CADM3: variants seen among roughly 807,000 people sequenced by gnomAD.
CADM3 encodes the protein TSLC1-like 1.
In CADM3, 11 loss-of-function variants were observed where a neutral mutation model predicts 44.9. The observed-to-expected ratio is 0.25, with a 90% confidence interval of 0.15 to 0.41. CADM3 has a LOEUF of 0.41. CADM3 is among the 10% of genes least tolerant of loss of function. The pLI is 1.00. For synonymous variants in CADM3, 207 were observed against 205.2 expected (o/e 1.01, Z -0.08); for missense variants, 426 against 512.0 (o/e 0.83, Z 1.62).
intron 1 of CADM3, among the ~76,000 whole-genome samples, chr1:159,182,088 GCA>G (rs3830820): frequency 6.8e-6 from 1 of 146,060 alleles, no homozygotes; most frequent in Non-Finnish European, 1.5e-5. Flanking sequence ...ACACACACAC[GCA>G]CACACACATG....
intron 1 of CADM3, among the ~76,000 whole-genome samples, chr1:159,173,980 T>A (rs1448013736): frequency 1.3e-5 from 2 of 152,224 alleles, no homozygotes; most frequent in Non-Finnish European, 2.9e-5. Flanking sequence ...TACATCCTCA[T>A]ATTTAGAAAT....
intron 1 of CADM3, among the ~76,000 whole-genome samples, chr1:159,177,629 C>T (rs1649075417): frequency 6.6e-6 from 1 of 152,100 alleles, no homozygotes; most frequent in South Asian, 2.1e-4. Flanking sequence ...TTATGCTCCC[C>T]GACCTGTTCC....
chr1:159,188,400 A>C (rs1649503952), intron 1 of CADM3, among the ~76,000 whole-genome samples: 1 of 148,856 alleles, frequency 6.7e-6, no homozygotes, highest in African/African-American at 2.5e-5. Flanking sequence ...TTTCTTCCTC[A>C]GGGACCCTAA....
chr1:159,189,600 A>G (rs959410787), intron 1 of CADM3, among the ~76,000 whole-genome samples: 2 of 152,154 alleles, frequency 1.3e-5, no homozygotes, highest in African/African-American at 4.8e-5. Flanking sequence ...CTTTTTCAGA[A>G]CTCTAGTTAA....
chr1:159,198,477 C>A (rs761721627), intron 7 of CADM3, among the ~76,000 whole-genome samples: 30 of 152,240 alleles, frequency 2.0e-4, no homozygotes, highest in Non-Finnish European at 4.1e-4. Flanking sequence ...ATTTCCTGGA[C>A]TCATCCTCTC....
At chr1:159,188,724 C>G (rs1649526300) in intron 1 of CADM3, among the ~76,000 whole-genome samples, 1 of 152,142 alleles carries the variant, frequency 6.6e-6, no homozygotes, top group Non-Finnish European at 1.5e-5. Context: ...TCAGGTTGGG[C>G]TAGGGACTTA....
intron 1 of CADM3, among the ~76,000 whole-genome samples, chr1:159,173,673 A>C (rs1435842127): frequency 1.3e-5 from 2 of 152,108 alleles, no homozygotes; most frequent in African/African-American, 2.4e-5. Context: ...TTGACTTTCA[A>C]CTGCAGCCCC....
chr1:159,197,056 T>C lies in CADM3; in HGVS notation c.948T>C (p.Val316=), dbSNP rs1161666551. ...GSYKAYYTLN[V]NDPSPVPSSS... ...ACAAGGCCTACTACACCCTCAATGT[T>C]AATGGTAAGCCCTCCTCAGTTCTCT... The change falls in exon 7 of 9, where the codon GTT becomes GTC. Residue 316 remains valine (V), a synonymous_variant. Coordinates refer to ENST00000368125, the MANE Select transcript of CADM3 (RefSeq NM_001127173.3). 2.5e-6 allele frequency: 4 copies of C among 1,613,996 alleles called. No homozygotes were observed. Among genetic ancestry groups the C allele is most frequent in the Non-Finnish European group, 2.5e-6 (3 of 1,179,904 alleles).
intron 1 of CADM3, among the ~76,000 whole-genome samples, chr1:159,184,190 G>C (rs895422436): frequency 1.2e-4 from 19 of 152,216 alleles, no homozygotes; most frequent in African/African-American, 4.6e-4. Context: ...ACTGTACATA[G>C]AATTCACTAA....
intron 1 of CADM3, among the ~76,000 whole-genome samples, chr1:159,187,274 A>G (rs1649455003): frequency 6.6e-6 from 1 of 152,234 alleles, no homozygotes; most frequent in Non-Finnish European, 1.5e-5. Flanking sequence ...GCTAAGTGCT[A>G]ACGACACAAC....
chr1:159,177,034 G>C (rs1260310128), intron 1 of CADM3, among the ~76,000 whole-genome samples: 1 of 152,072 alleles, frequency 6.6e-6, no homozygotes, highest in African/African-American at 2.4e-5. Context: ...TACCCTACCT[G>C]ACGAAAATAC....
chr1:159,200,289 C>A (rs187742392), intron 8 of CADM3, among the ~76,000 whole-genome samples: 1 of 152,286 alleles, frequency 6.6e-6, no homozygotes, highest in Admixed American at 6.5e-5. Flanking sequence ...TTCCTCTCCC[C>A]CTTTTCTACC....
Position 159,192,018 on chromosome 1 carries a change from C to T in CADM3, c.171C>T (p.Asp57=). 1 of 1,614,138 alleles carries T rather than the reference C, an allele frequency of 6.2e-7. No homozygotes were observed. The highest frequency in any genetic ancestry group is 1.1e-5 in the South Asian group (1 of 91,076). Residue 57 remains aspartate, a synonymous_variant, in exon 2 of 9, where the codon GAC becomes GAT. Transcript: ENST00000368125. ...VLKCQVKDHE[D]SSLQWSNPAQ... ...AGTGCCAAGTGAAAGATCACGAGGA[C>T]TCATCCCTGCAATGGTCTAACCCTG...
intron 1 of CADM3, among the ~76,000 whole-genome samples, chr1:159,181,784 A>G (rs1433554718): frequency 6.6e-6 from 1 of 152,104 alleles, no homozygotes; most frequent in East Asian, 1.9e-4. Context: ...CTGACTCAAT[A>G]GCAAATCAAA....
At chr1:159,197,766 T>C (rs1024275532) in intron 7 of CADM3, 2 of 152,110 alleles carry the variant, frequency 1.3e-5, no homozygotes, top group Admixed American at 1.3e-4. Context: ...TTTCTCAGAA[T>C]AGGGGAAATG....
intron 1 of CADM3, among the ~76,000 whole-genome samples, chr1:159,185,622 T>C (rs1443791366): frequency 6.6e-6 from 1 of 152,216 alleles, no homozygotes; most frequent in African/African-American, 2.4e-5. Context: ...CAGCAACTAA[T>C]TTGGATCCTG....
chr1:159,182,344 A>G (rs1481839586), intron 1 of CADM3, among the ~76,000 whole-genome samples: 1 of 152,214 alleles, frequency 6.6e-6, no homozygotes, highest in Non-Finnish European at 1.5e-5. Flanking sequence ...TATCATGCAC[A>G]GGAGATGAGG....
intron 1 of CADM3, among the ~76,000 whole-genome samples, chr1:159,178,103 G>A (rs999593466): frequency 6.6e-6 from 1 of 152,138 alleles, no homozygotes; most frequent in Middle Eastern, 3.2e-3. Flanking sequence ...TAAATGCTAT[G>A]TAAATAGTTG....
rs1222042065 is a variant in CADM3, at chr1:159,171,866, G to A, written c.88+13G>A. ...CTCTCCCAGGACGGTGAGTGAGGGA[G>A]GGGGCGGCGCCTGGGGAGGTGGGGA... On this transcript the variant is annotated intron_variant, in intron 1 of 8. Transcript: ENST00000368125. 5 of 1,236,906 alleles carry A rather than the reference G, an allele frequency of 4.0e-6. No individual in the cohort carries two copies. The highest frequency in any genetic ancestry group is 4.1e-5 in the Admixed American group (1 of 24,098). 76.6% of individuals were successfully genotyped at this position (1,236,906 alleles called of 1,614,324 possible).
Sources: allele counts gnomAD v4.1 joint callset (sites outside exome capture counted in the v4.1 genomes callset), GRCh38; gene constraint gnomAD v4.1.1; transcripts MANE v1.5; gene names NCBI Gene and HGNC (gene_info 2026-07-23, HGNC 2026-07-21).